The following CNTLN variants were observed in gnomAD, a reference collection of about 807,000 sequenced individuals.
CNTLN encodes the protein centlein.
A neutral mutation model predicts 180.0 loss-of-function variants in CNTLN; 212 were observed. The ratio of observed to expected loss-of-function variants is 1.18; its 90% CI spans 1.05 to 1.32. CNTLN has a LOEUF of 1.32. Ranked by LOEUF, CNTLN falls within the 40% of genes most tolerant of loss-of-function variation. CNTLN has a pLI of 0.00. For synonymous variants in CNTLN, 722 were observed against 563.1 expected (o/e 1.28, Z -3.99); for missense variants, 2,095 against 1,610.9 (o/e 1.30, Z -5.14).
chr9:17,499,762 G>C (rs1564155934), intron 25 of CNTLN, among the ~76,000 whole-genome samples: 1 of 151,848 alleles, frequency 6.6e-6, no homozygotes, highest in African/African-American at 2.4e-5. Context: ...CATATTTTCT[G>C]TTATAAAATT....
At chr9:17,195,396 C>G (rs576722652) in intron 2 of CNTLN, among the ~76,000 whole-genome samples, 150 of 152,196 alleles carry the variant, frequency 9.9e-4, no homozygotes, top group African/African-American at 3.4e-3. Flanking sequence ...TTCCTTGTAT[C>G]CTTTGCTTCT....
chr9:17,513,981 C>A, the CNTLN span, among the ~76,000 whole-genome samples: 1 of 151,956 alleles, frequency 6.6e-6, no homozygotes, highest in Admixed American at 6.6e-5. Flanking sequence ...GATTTGCTAG[C>A]CAAATATAAA....
At chr9:17,221,351 A>C (rs79258304) in intron 2 of CNTLN, among the ~76,000 whole-genome samples, 8,997 of 152,142 alleles carry the variant, frequency 0.059, 303 homozygotes, top group East Asian at 0.18. Flanking sequence ...TAAAATAAAA[A>C]GGGGCAGAAA....
chr9:17,259,833 A>C (rs1791982335), intron 5 of CNTLN, among the ~76,000 whole-genome samples: 1 of 141,334 alleles, frequency 7.1e-6, no homozygotes, highest in Non-Finnish European at 1.5e-5. Context: ...CCCCTTTATC[A>C]TTTTTTATTG....
chr9:17,511,772 C>G, the CNTLN span, among the ~76,000 whole-genome samples: 2 of 152,086 alleles, frequency 1.3e-5, no homozygotes, highest in African/African-American at 2.4e-5. Flanking sequence ...GAGCTGCCCA[C>G]CACAGCAGGT....
intron 6 of CNTLN, among the ~76,000 whole-genome samples, chr9:17,295,958 C>G (rs181167210): frequency 0.017 from 2,626 of 150,664 alleles, 79 homozygotes; most frequent in African/African-American, 0.061. Flanking sequence ...GAGCATCTCC[C>G]TACTCTTCAG....
chr9:17,249,433 C>G (rs1826005661), intron 5 of CNTLN, among the ~76,000 whole-genome samples: 1 of 150,304 alleles, frequency 6.7e-6, no homozygotes, highest in African/African-American at 2.5e-5. Context: ...ACTGCAAGCT[C>G]TACCTCCCAG....
intron 2 of CNTLN, among the ~76,000 whole-genome samples, chr9:17,151,397 G>A (rs1051462852): frequency 6.6e-6 from 1 of 152,172 alleles, no homozygotes; most frequent in African/African-American, 2.4e-5. Flanking sequence ...TGCATCTATT[G>A]AGATAATCGT....
the CNTLN span, among the ~76,000 whole-genome samples, chr9:17,512,661 G>C: frequency 2.0e-5 from 3 of 151,952 alleles, no homozygotes; most frequent in Non-Finnish European, 4.4e-5. Flanking sequence ...AAAGAAGAGA[G>C]TTCAAAAAAG....
chr9:17,299,569 T>C (rs903152544), intron 7 of CNTLN: 5 of 985,268 alleles, frequency 5.1e-6, no homozygotes, highest in African/African-American at 1.7e-5. Context: ...AGTGTGTGTT[T>C]TGTGTTGCCT....
At chr9:17,230,021 C>G (rs892016503) in intron 3 of CNTLN, among the ~76,000 whole-genome samples, 1 of 152,094 alleles carries the variant, frequency 6.6e-6, no homozygotes, top group South Asian at 2.1e-4. Flanking sequence ...AAAAAATTCA[C>G]GAATTGGGTA....
chr9:17,210,883 C>G (rs1448258568), intron 2 of CNTLN, among the ~76,000 whole-genome samples: 2 of 152,120 alleles, frequency 1.3e-5, no homozygotes, highest in Non-Finnish European at 2.9e-5. Context: ...ATATCCTTTG[C>G]CCACTTTTTG....
chr9:17,298,893 A>G, intron 7 of CNTLN: 2 of 985,444 alleles, frequency 2.0e-6, no homozygotes, highest in Non-Finnish European at 2.4e-6. Context: ...GGTTTACCCA[A>G]GTATTTAGGT....
intron 10 of CNTLN, among the ~76,000 whole-genome samples, chr9:17,338,722 A>G (rs1001891120): frequency 6.0e-4 from 91 of 152,158 alleles, no homozygotes; most frequent in Middle Eastern, 3.2e-3. Flanking sequence ...AACCAAATTA[A>G]TATGAAAAAC....
intron 2 of CNTLN, among the ~76,000 whole-genome samples, chr9:17,185,811 G>A (rs1365943178): frequency 6.6e-6 from 1 of 150,876 alleles, no homozygotes; most frequent in Non-Finnish European, 1.5e-5. Flanking sequence ...GTATCTGTGT[G>A]TGTCAGGGTC....
intron 2 of CNTLN, among the ~76,000 whole-genome samples, chr9:17,194,129 G>C (rs1467377643): frequency 1.3e-5 from 2 of 152,112 alleles, no homozygotes; most frequent in East Asian, 3.9e-4. Context: ...TAGGCCTCTG[G>C]GCCTGTGATG....
rs772109904 is a variant in CNTLN at position 17,332,625 on chromosome 9, A to C, written c.1539A>C (p.Ser513=). ...TCGAGGAACCACCTGTGAAACGTTCAAGGTCTTTGTCCCCAAAGAGCTCTT... is the reference window on the plus strand; with the variant it reads ...TCGAGGAACCACCTGTGAAACGTTCCAGGTCTTTGTCCCCAAAGAGCTCTT... ...GKHKEPPVKR[S]RSLSPKSSFT... Residue 513 remains serine, a synonymous_variant, in exon 10 of 26, where the codon TCA becomes TCC. Coordinates refer to ENST00000380647, the MANE Select transcript of CNTLN (RefSeq NM_017738.4). The C allele has an allele frequency of 6.2e-7, 1 of 1,608,206 alleles. No individual in the cohort carries two copies. Among genetic ancestry groups the C allele is most frequent in the African/African-American group, 1.3e-5 (1 of 74,578 alleles).
chr9:17,366,703 C>G lies in CNTLN; in HGVS notation c.1973C>G (p.Ala658Gly). 3 of 1,563,830 alleles carry G rather than the reference C, an allele frequency of 1.9e-6. No homozygotes were observed. Among genetic ancestry groups the G allele is most frequent in the South Asian group, 1.2e-5 (1 of 85,692 alleles). The change falls in exon 13 of 26, where the codon GCA becomes GGA. Residue 658 changes from alanine to glycine, a missense_variant. Ala to Gly is a moderately conservative substitution (Grantham distance 60). Coordinates refer to ENST00000380647, the MANE Select transcript of CNTLN (RefSeq NM_017738.4). ...ATACAAGAATTGAATAGATGTGTGG[C>G]AGAGAGAAGAGAAGGTAAATTTTCA... Reference protein sequence around the residue: ...AAIQELNRCVAERREEQLFRS... With the variant: ...AAIQELNRCVGERREEQLFRS...
intron 1 of CNTLN, among the ~76,000 whole-genome samples, chr9:17,141,529 G>A (rs1818092796): frequency 2.0e-5 from 3 of 152,120 alleles, no homozygotes; most frequent in Admixed American, 2.0e-4. Context: ...AGGTTGGGGA[G>A]GTGTATATGG....
Sources: allele counts gnomAD v4.1 joint callset (sites outside exome capture counted in the v4.1 genomes callset), GRCh38; gene constraint gnomAD v4.1.1; transcripts MANE v1.5; gene names NCBI Gene and HGNC (gene_info 2026-07-23, HGNC 2026-07-21).